The following CNTNAP2 variants were observed in gnomAD, a reference collection of about 807,000 sequenced individuals.
CNTNAP2 encodes the protein contactin associated protein 2, also known as contactin-associated protein-like 2.
CNTNAP2 carries 98 observed loss-of-function variants against 155.2 expected under a neutral mutation model. The observed-to-expected ratio is 0.63, with a 90% CI of 0.54 to 0.75. The LOEUF (loss-of-function observed/expected upper bound fraction) is 0.75, where lower values mean the gene tolerates loss of function less well. Ranked by LOEUF, CNTNAP2 falls within the 30% of genes least tolerant of loss-of-function variation. The pLI is 0.00. For synonymous variants in CNTNAP2, 651 were observed against 631.2 expected (o/e 1.03, Z -0.47); for missense variants, 1,727 against 1,688.1 (o/e 1.02, Z -0.40).
At chr7:146,450,447 G>A (rs1796462500) in intron 1 of CNTNAP2, among the ~76,000 whole-genome samples, 1 of 152,152 alleles carries the variant, frequency 6.6e-6, no homozygotes, top group South Asian at 2.1e-4. Flanking sequence ...CTGGTAGCTG[G>A]GATGAAATTT....
chr7:147,245,132 T>G (rs1804027297), intron 8 of CNTNAP2, among the ~76,000 whole-genome samples: 1 of 152,172 alleles, frequency 6.6e-6, no homozygotes, highest in Admixed American at 6.5e-5. Context: ...TTTGCTTTTG[T>G]CTAAACTCAG....
intron 15 of CNTNAP2, among the ~76,000 whole-genome samples, chr7:147,997,556 CAAA>C (rs34678249): frequency 2.7e-4 from 36 of 131,912 alleles, no homozygotes; most frequent in South Asian, 5.0e-4. Flanking sequence ...AACTCTGTCT[CAAA>C]AAAAAAAAAA....
intron 15 of CNTNAP2, among the ~76,000 whole-genome samples, chr7:148,025,767 C>A (rs1206604648): frequency 6.6e-6 from 1 of 152,030 alleles, no homozygotes; most frequent in Non-Finnish European, 1.5e-5. Flanking sequence ...CATGAGTGAC[C>A]TCTCCCCAAA....
chr7:148,277,795 A>G (rs1430713074), intron 21 of CNTNAP2, among the ~76,000 whole-genome samples: 1 of 140,694 alleles, frequency 7.1e-6, no homozygotes, highest in Non-Finnish European at 1.5e-5. Context: ...AAGAAAAAAG[A>G]AAAAAAGAAA....
chr7:147,948,200 T>C (rs546371230), intron 14 of CNTNAP2, among the ~76,000 whole-genome samples: 9 of 150,748 alleles, frequency 6.0e-5, no homozygotes, highest in Middle Eastern at 3.4e-3. Context: ...GCATGGTTAA[T>C]GAGTAGAAAA....
At chr7:147,878,419 C>A (rs1411900633) in intron 13 of CNTNAP2, among the ~76,000 whole-genome samples, 4 of 142,248 alleles carry the variant, frequency 2.8e-5, no homozygotes, top group Non-Finnish European at 6.2e-5. Flanking sequence ...ATGTTGTAAT[C>A]ATTTGATAGT....
chr7:147,005,688 T>C (rs1798512244), intron 3 of CNTNAP2, among the ~76,000 whole-genome samples: 1 of 152,054 alleles, frequency 6.6e-6, no homozygotes, highest in Non-Finnish European at 1.5e-5. Context: ...ACCAGTGCCT[T>C]CTCCACTGAA....
intron 3 of CNTNAP2, among the ~76,000 whole-genome samples, chr7:146,893,988 T>C (rs528663037): frequency 6.6e-6 from 1 of 152,248 alleles, no homozygotes; most frequent in Admixed American, 6.5e-5. Context: ...CTTGAAATAT[T>C]TGTTAATTAG....
At chr7:147,863,335 G>C (rs1325383204) in intron 13 of CNTNAP2, among the ~76,000 whole-genome samples, 1 of 152,154 alleles carries the variant, frequency 6.6e-6, no homozygotes, top group Admixed American at 6.5e-5. Context: ...ATCATTGATG[G>C]ACATTTGGGT....
intron 13 of CNTNAP2, among the ~76,000 whole-genome samples, chr7:147,693,390 G>A (rs759410538): frequency 6.6e-6 from 1 of 152,112 alleles, no homozygotes; most frequent in East Asian, 1.9e-4. Flanking sequence ...AGCTTGCTCA[G>A]ATTTTAATTG....
chr7:147,645,242 T>C (rs1795348024), intron 13 of CNTNAP2, among the ~76,000 whole-genome samples: 1 of 152,210 alleles, frequency 6.6e-6, no homozygotes, highest in African/African-American at 2.4e-5. Flanking sequence ...ACATATAATC[T>C]ATTTTTAGCA....
rs545241093 is a variant in CNTNAP2, at chr7:148,188,137, G to T, written c.3010+15659G>T. ...AGAGTAGGAATAGTTTAAGGAATGT[G>T]CTTGGAGACCAGCCACTCTTCACCC... is the stretch of plus-strand genomic sequence containing the variant. On this transcript the variant is annotated intron_variant, in intron 18 of 23. Coordinates refer to ENST00000361727, the MANE Select transcript of CNTNAP2 (RefSeq NM_014141.6). Among the ~76,000 whole-genome samples the T allele has an allele frequency of 5.9e-5, 9 of 152,282 alleles. No homozygotes were observed. The South Asian group carries it at 1.7e-3, about 28-fold the overall frequency.
intron 22 of CNTNAP2, among the ~76,000 whole-genome samples, chr7:148,391,985 TTAAAATA>T (rs1799360945): frequency 6.6e-6 from 1 of 152,218 alleles, no homozygotes; most frequent in Non-Finnish European, 1.5e-5. Context: ...AGGATCTTCT[TTAAAATA>T]TCATTAAAAT....
intron 3 of CNTNAP2, among the ~76,000 whole-genome samples, chr7:146,982,869 T>C (rs2129237124): frequency 6.6e-6 from 1 of 152,330 alleles, no homozygotes; most frequent in Non-Finnish European, 1.5e-5. Flanking sequence ...AATTCTTTGA[T>C]ATTGTTTAAA....
At chr7:146,644,755 C>T (rs917789759) in intron 1 of CNTNAP2, among the ~76,000 whole-genome samples, 1 of 152,170 alleles carries the variant, frequency 6.6e-6, no homozygotes, top group Admixed American at 6.5e-5. Context: ...TTCCTCGACA[C>T]ATACACCCTC....
At chr7:148,095,070 G>C (rs745563892) in intron 15 of CNTNAP2, among the ~76,000 whole-genome samples, 5 of 152,194 alleles carry the variant, frequency 3.3e-5, no homozygotes, top group Non-Finnish European at 5.9e-5. Flanking sequence ...AAATGAGCTT[G>C]AGTCAACAAG....
chr7:148,169,625 A>G (rs905624419), intron 17 of CNTNAP2, among the ~76,000 whole-genome samples: 1 of 152,226 alleles, frequency 6.6e-6, no homozygotes, highest in Non-Finnish European at 1.5e-5. Context: ...GATGCTATGC[A>G]GATACTAAGC....
intron 1 of CNTNAP2, among the ~76,000 whole-genome samples, chr7:146,454,949 C>T (rs1280828464): frequency 6.6e-6 from 1 of 152,138 alleles, no homozygotes; most frequent in Non-Finnish European, 1.5e-5. Context: ...TAACAATAGC[C>T]AGTCCGTATA....
chr7:147,599,498 A>T (rs2116857442), intron 12 of CNTNAP2, among the ~76,000 whole-genome samples: 1 of 151,602 alleles, frequency 6.6e-6, no homozygotes, highest in Non-Finnish European at 1.5e-5. Context: ...AAAAAAAAAA[A>T]AAAAAAATAC....
Sources: allele counts gnomAD v4.1 joint callset (sites outside exome capture counted in the v4.1 genomes callset), GRCh38; gene constraint gnomAD v4.1.1; transcripts MANE v1.5; gene names NCBI Gene and HGNC (gene_info 2026-07-23, HGNC 2026-07-21).